SP2: variants seen among roughly 807,000 people sequenced by gnomAD.
SP2 encodes the protein transcription factor Sp2.
SP2 carries 9 observed loss-of-function variants against 50.1 expected under a neutral mutation model. The observed-to-expected ratio is 0.18, with a 90% CI of 0.11 to 0.31. The LOEUF (loss-of-function observed/expected upper bound fraction) is 0.31. Ranked by LOEUF, SP2 falls within the 10% of genes least tolerant of loss-of-function variation. The pLI is 1.00. For missense variants in SP2, 581 were observed against 806.5 expected (o/e 0.72, Z 3.39); for synonymous variants, 313 against 326.6 (o/e 0.96, Z 0.45).
chr17:47,916,723 A>G lies in SP2; in HGVS notation c.652A>G (p.Asn218Asp). The change falls in exon 3 of 7, where the codon AAC (asparagine) becomes GAC (aspartate). Residue 218 changes from asparagine (N) to aspartate (D), a missense_variant. By Grantham distance (23) the Asn-to-Asp change is conservative (BLOSUM62 1). Transcript: ENST00000376741. This position sits in a 1 kb window ranked among gnomAD's most constrained non-coding sequence, Gnocchi z 4.7. ...GNVTLTLPVN[N>D]LVNASDTGAP... ...TGTGACGCTCACTCTGCCCGTCAAC[A>G]ACCTTGTGAACGCCAGTGACACCGG... The G allele has an allele frequency of 6.2e-7, 1 of 1,613,192 alleles. No homozygotes were observed. The highest frequency in any genetic ancestry group is 8.5e-7 in the Non-Finnish European group (1 of 1,179,402).
rs148810428 is a variant in SP2, at chr17:47,902,491, G to A, written c.7+6198G>A. 8.5e-5 allele frequency among the ~76,000 whole-genome samples: 13 copies of A among 152,298 alleles called. No homozygotes were observed. The East Asian group carries it at 2.1e-3, about 25-fold the overall frequency. On this transcript the variant is annotated intron_variant, in intron 1 of 6. Transcript: ENST00000376741. ...AGAAGCACAGCTAGGAGGTTAATCC[G>A]TGGGAGACATGATAGAAACCTGGAC...
At position 47,917,015 on chromosome 17, in the gene SP2, A is replaced by G; in HGVS notation, c.944A>G (p.Gln315Arg). 1 of 1,614,184 alleles carries G rather than the reference A, an allele frequency of 6.2e-7. No individual in the cohort carries two copies. The highest frequency in any genetic ancestry group is 8.5e-7 in the Non-Finnish European group (1 of 1,180,034). Residue 315 changes from glutamine to arginine, a missense_variant, in exon 3 of 7, where the codon CAG becomes CGG. Coordinates refer to ENST00000376741, the MANE Select transcript of SP2 (RefSeq NM_003110.6). The stretch of plus-strand genomic sequence containing the variant: ...AAGGCCGAGCAGCAGCAGGTGGTAC[A>G]GATCCCCCAGCAGGCTCTGCGGGTG... ...PPKAEQQQVV[Q>R]IPQQALRVVQ...
chr17:47,896,787 A>T (rs2034355760), intron 1 of SP2, among the ~76,000 whole-genome samples: 1 of 152,150 alleles, frequency 6.6e-6, no homozygotes, highest in South Asian at 2.1e-4. Flanking sequence ...GGGCGAGGGA[A>T]CGCTTGAGAC....
At chr17:47,902,417 A>T (rs1249137349) in intron 1 of SP2, among the ~76,000 whole-genome samples, 1 of 152,120 alleles carries the variant, frequency 6.6e-6, no homozygotes, top group African/African-American at 2.4e-5. Context: ...TTTAAGTGTG[A>T]TGGGTCTTAC....
At chr17:47,929,264 G>A (rs1162847388), downstream of SP2, among the ~76,000 whole-genome samples, 1 of 152,216 alleles carries the variant, frequency 6.6e-6, no homozygotes, top group African/African-American at 2.4e-5. Flanking sequence ...TTACAGCAGT[G>A]ACCTCAGCCA....
At chr17:47,896,595 G>A (rs891391375) in intron 1 of SP2, among the ~76,000 whole-genome samples, 1 of 152,172 alleles carries the variant, frequency 6.6e-6, no homozygotes, top group African/African-American at 2.4e-5. Context: ...GGGTGGCCTG[G>A]CACCCCTCGG....
chr17:47,922,762 A>G (rs534818574), intron 3 of SP2, among the ~76,000 whole-genome samples, 200 bp from the exon 4 acceptor site: 9 of 152,216 alleles, frequency 5.9e-5, no homozygotes, highest in African/African-American at 2.2e-4. Flanking sequence ...TTTCAAATCA[A>G]TAGTCAACAT....
In SP2 at chr17:47,916,078, G is replaced by T; in HGVS notation, c.85-78G>T. The T allele has an allele frequency of 1.3e-6, 2 of 1,509,908 alleles. No individual in the cohort carries two copies. Among genetic ancestry groups the T allele is most frequent in the Non-Finnish European group, 1.8e-6 (2 of 1,125,710 alleles). The allele number at this position is 1,509,908 out of a possible 1,614,324, so 93.5% of individuals were successfully genotyped here. A position where few individuals can be genotyped will look rare whatever the true frequency, so the allele number is the denominator to read the frequency against. On this transcript the variant is annotated intron_variant, in intron 2 of 6. Coordinates refer to ENST00000376741, the MANE Select transcript of SP2 (RefSeq NM_003110.6). The surrounding 1 kb of genome is among the most constrained non-coding windows in gnomAD (Gnocchi z 4.7). Reference sequence around the variant, plus strand: ...GAAGACTGGCGTGGAATGCCGCCAGGAGGAGAGGATCATGGACAGAGGCGG... The same window carrying T: ...GAAGACTGGCGTGGAATGCCGCCAGTAGGAGAGGATCATGGACAGAGGCGG...
intron 1 of SP2, among the ~76,000 whole-genome samples, chr17:47,906,463 A>G (rs974934818): frequency 2.6e-5 from 4 of 152,220 alleles, no homozygotes; most frequent in Non-Finnish European, 5.9e-5. Flanking sequence ...CATTGGGCTC[A>G]TGATTAGTTA....
chr17:47,896,454 G>T (rs1598086610), intron 1 of SP2, 161 bp downstream of exon 1: 1 of 540,768 alleles, frequency 1.8e-6, no homozygotes, highest in Non-Finnish European at 2.8e-6. Context: ...GAGGATTCCC[G>T]CCCGGAGGAG....
chr17:47,915,452 ACT>A, intron 2 of SP2, 64 bp downstream of exon 2: 2 of 1,041,042 alleles, frequency 1.9e-6, no homozygotes, highest in South Asian at 2.9e-5. Flanking sequence ...CACCGAAAAC[ACT>A]CTCTCTTCAC....
rs372676777 is a variant in SP2 at position 47,912,850 on chromosome 17, TTTTG to T, written c.8-2438_8-2435del. On this transcript the variant is annotated intron_variant, in intron 1 of 6. Coordinates refer to ENST00000376741, the MANE Select transcript of SP2 (RefSeq NM_003110.6). The stretch of plus-strand genomic sequence containing the variant: ...GGTTCTGCTTTCCCAATATGTATCC[TTTTG>T]TTTGTTTGTTTGTTTGTTTGTTTTT... 1.1e-3 allele frequency among the ~76,000 whole-genome samples: 170 copies of T among 151,856 alleles called. 1 individual carries two copies. The highest frequency in any genetic ancestry group is 8.8e-4 in the Non-Finnish European group (60 of 67,922).
chr17:47,926,318 T>TTG (rs1555560431), intron 6 of SP2, among the ~76,000 whole-genome samples: 3 of 148,758 alleles, frequency 2.0e-5, no homozygotes, highest in African/African-American at 7.5e-5. Context: ...GCTTTTTGTT[T>TTG]TTTTTTTTTT....
intron 1 of SP2, among the ~76,000 whole-genome samples, chr17:47,913,596 C>T (rs964870567): frequency 1.3e-5 from 2 of 152,006 alleles, no homozygotes; most frequent in Admixed American, 6.6e-5. Context: ...TTATTAGGGA[C>T]GGGGTCTAAC....
At chr17:47,917,694 A>G (rs1160647995) in intron 3 of SP2, 5 of 347,706 alleles carry the variant, frequency 1.4e-5, no homozygotes, top group Non-Finnish European at 2.9e-5. Flanking sequence ...CGGTCACTAC[A>G]GTCTTAATCT....
chr17:47,925,162 C>T (rs1183670974), intron 5 of SP2, 69 bp downstream of exon 5: 2 of 1,519,960 alleles, frequency 1.3e-6, no homozygotes, highest in African/African-American at 2.8e-5. Flanking sequence ...GGACAGTTGT[C>T]CAGAGCTGCA....
intron 6 of SP2, among the ~76,000 whole-genome samples, chr17:47,927,203 G>C (rs560921313): frequency 2.0e-5 from 3 of 152,096 alleles, no homozygotes; most frequent in Non-Finnish European, 2.9e-5. Context: ...GAGGTCAAAT[G>C]GGGGGTCAGA....
Position 47,916,040 on chromosome 17 carries a change from C to A in SP2, c.85-116C>A. On this transcript the variant is annotated intron_variant, in intron 2 of 6. Coordinates refer to ENST00000376741, the MANE Select transcript of SP2 (RefSeq NM_003110.6). This position sits in a 1 kb window ranked among gnomAD's most constrained non-coding sequence, Gnocchi z 4.7. ...GGGGAGGGTACTGGCAACATGCCTG[C>A]CCCGGAGGTGGGGAAGACTGGCGTG... 1.6e-6 allele frequency: 2 copies of A among 1,260,364 alleles called. No homozygotes were observed. Among genetic ancestry groups the A allele is most frequent in the Non-Finnish European group, 2.2e-6 (2 of 911,044 alleles). 78.1% of individuals were successfully genotyped at this position (1,260,364 alleles called of 1,614,324 possible).
In SP2 at chr17:47,916,210, C is replaced by G; in HGVS notation, c.139C>G (p.Pro47Ala). 3 of 1,613,916 alleles carry G rather than the reference C, an allele frequency of 1.9e-6. No individual in the cohort carries two copies. The highest frequency in any genetic ancestry group is 2.5e-6 in the Non-Finnish European group (3 of 1,179,924). The change falls in exon 3 of 7, where the codon CCT becomes GCT. Residue 47 changes from proline (P) to alanine (A), a missense_variant. Transcript: ENST00000376741. The surrounding 1 kb of genome is among the most constrained non-coding windows in gnomAD (Gnocchi z 4.7). ...LLAATCSKIG[P>A]PAVEAAVTPP... is the part of the protein sequence containing the mutation. Reference sequence around the variant, plus strand: ...TGCTGCAACATGTAGCAAAATTGGCCCTCCAGCAGTTGAAGCTGCTGTGAC... The same window carrying G: ...TGCTGCAACATGTAGCAAAATTGGCGCTCCAGCAGTTGAAGCTGCTGTGAC...
Sources: allele counts gnomAD v4.1 joint callset (sites outside exome capture counted in the v4.1 genomes callset), GRCh38; gene constraint gnomAD v4.1.1; non-coding constraint Gnocchi (gnomAD v3.1); transcripts MANE v1.5; gene names NCBI Gene and HGNC (gene_info 2026-07-23, HGNC 2026-07-21).